The following WDFY3 variants were observed in gnomAD, a reference collection of about 807,000 sequenced individuals.
The protein encoded by WDFY3 is WD repeat and FYVE domain-containing protein 3.
WDFY3 carries 66 observed loss-of-function variants against 409.6 expected under a neutral mutation model. That is an observed-to-expected ratio of 0.16 (90% CI 0.13 to 0.20). The LOEUF is 0.20. Ranked by LOEUF, WDFY3 falls within the 10% of genes least tolerant of loss-of-function variation. The pLI is 1.00. For missense variants in WDFY3, 3,031 were observed against 4,298.1 expected (o/e 0.71, Z 8.24); for synonymous variants, 1,521 against 1,537.1 (o/e 0.99, Z 0.25).
At chr4:84,855,038 A>C (rs892617951) in intron 4 of WDFY3, among the ~76,000 whole-genome samples, 8 of 152,246 alleles carry the variant, frequency 5.3e-5, no homozygotes, top group African/African-American at 1.9e-4. Flanking sequence ...CAGATTAAAA[A>C]AAAGGTAATG....
intron 1 of WDFY3, among the ~76,000 whole-genome samples, chr4:84,932,770 A>G (rs1770923109): frequency 6.6e-6 from 1 of 152,186 alleles, no homozygotes; most frequent in Non-Finnish European, 1.5e-5. Flanking sequence ...CTATTTCTCT[A>G]GGTGTATTTT....
At chr4:84,785,918 A>C in intron 24 of WDFY3, 61 bp downstream of exon 24, 1 of 1,577,856 alleles carries the variant, frequency 6.3e-7, no homozygotes, top group Non-Finnish European at 8.7e-7. Flanking sequence ...TCCATATGAG[A>C]CTCTGAGACA....
Position 84,801,998 on chromosome 4 carries a change from A to C in WDFY3, c.2608-134T>G, listed in dbSNP as rs1750661950. The C allele has an allele frequency of 7.2e-6, 6 of 830,766 alleles. No individual in the cohort carries two copies. In the South Asian group the frequency reaches 9.1e-5, roughly 13 times the overall value. 51.5% of individuals were successfully genotyped at this position (830,766 alleles called of 1,614,324 possible). On this transcript the variant is annotated intron_variant, in intron 16 of 67. Transcript: ENST00000295888. Reference sequence around the variant, plus strand: ...GTTTCGCTCTTGTTGTCCAGGCTGGAGTGCAATGGTGTGATCTCGCCTCAT... The same window carrying C: ...GTTTCGCTCTTGTTGTCCAGGCTGGCGTGCAATGGTGTGATCTCGCCTCAT...
rs1312493821 is a variant in WDFY3 at position 84,814,657 on chromosome 4, C to T, written c.1887+2735G>A. Among the ~76,000 whole-genome samples, 3 of 152,002 alleles carry T rather than the reference C, an allele frequency of 2.0e-5. No homozygotes were observed. In the East Asian group the frequency reaches 5.8e-4, roughly 29 times the overall value. ...GAGCAACTGTGGAGGTTTCCCAGTCCCTGTGTTCAAGTAACCCTTATTTTA... is the reference window on the plus strand; with the variant it reads ...GAGCAACTGTGGAGGTTTCCCAGTCTCTGTGTTCAAGTAACCCTTATTTTA... On this transcript the variant is annotated intron_variant, in intron 13 of 67. Transcript: ENST00000295888.
intron 40 of WDFY3, among the ~76,000 whole-genome samples, chr4:84,738,762 C>G (rs1737905435): frequency 6.6e-6 from 1 of 152,160 alleles, no homozygotes; most frequent in Non-Finnish European, 1.5e-5. Flanking sequence ...TGTACTTCTA[C>G]TTAAGCAAAT....
chr4:84,811,392 C>T (rs1752469268), intron 13 of WDFY3, among the ~76,000 whole-genome samples: 1 of 152,158 alleles, frequency 6.6e-6, no homozygotes, highest in African/African-American at 2.4e-5. Context: ...TATGCACTAG[C>T]TTATTTAATC....
intron 55 of WDFY3, among the ~76,000 whole-genome samples, chr4:84,703,134 T>C (rs369980546): frequency 1.1e-4 from 16 of 151,952 alleles, no homozygotes; most frequent in African/African-American, 3.4e-4. Flanking sequence ...ATATGAGTTC[T>C]TCCATAGTTT....
chr4:84,955,945 C>T (rs1320779386), intron 1 of WDFY3, among the ~76,000 whole-genome samples: 1 of 151,944 alleles, frequency 6.6e-6, no homozygotes, highest in Non-Finnish European at 1.5e-5. Context: ...GGCAATAAAA[C>T]TACAAGTTAA....
chr4:84,852,795 T>C (rs1318233636), intron 4 of WDFY3, among the ~76,000 whole-genome samples: 1 of 152,042 alleles, frequency 6.6e-6, no homozygotes, highest in Non-Finnish European at 1.5e-5. Flanking sequence ...TCTTACTCTG[T>C]CATTCAGGCT....
intron 39 of WDFY3, 117 bp downstream of exon 39, chr4:84,740,070 G>T (rs1738134683): frequency 9.6e-7 from 1 of 1,038,670 alleles, no homozygotes; most frequent in Non-Finnish European, 1.4e-6. Flanking sequence ...TTACATAAAG[G>T]TTTAAATAAA....
intron 42 of WDFY3, 125 bp from the exon 43 acceptor site, chr4:84,735,245 T>G (rs1195064594): frequency 1.2e-6 from 1 of 825,508 alleles, no homozygotes; most frequent in Non-Finnish European, 1.9e-6. Flanking sequence ...AACAGAAAAC[T>G]AAAACAAAAA....
intron 1 of WDFY3, among the ~76,000 whole-genome samples, chr4:84,941,663 T>G (rs1267445814): frequency 6.6e-6 from 1 of 152,026 alleles, no homozygotes; most frequent in East Asian, 1.9e-4. Context: ...CTTTCGTTTT[T>G]GGAAATCAAC....
At chr4:84,772,800 A>C in intron 30 of WDFY3, 35 bp downstream of exon 30, 1 of 1,550,992 alleles carries the variant, frequency 6.4e-7, no homozygotes, top group East Asian at 2.3e-5. Context: ...TATTTAGTTG[A>C]CCACTATCTT....
intron 36 of WDFY3, among the ~76,000 whole-genome samples, chr4:84,750,294 T>A (rs1012162881): frequency 1.3e-5 from 2 of 152,176 alleles, no homozygotes; most frequent in African/African-American, 4.8e-5. Context: ...ATTATTCTCC[T>A]GCCATTATTA....
At chr4:84,814,286 C>T (rs1752947977) in intron 13 of WDFY3, among the ~76,000 whole-genome samples, 1 of 152,128 alleles carries the variant, frequency 6.6e-6, no homozygotes, top group African/African-American at 2.4e-5. Flanking sequence ...TCTTTATCTA[C>T]CATTTATTTG....
intron 1 of WDFY3, among the ~76,000 whole-genome samples, chr4:84,962,645 T>C (rs1190285663): frequency 6.6e-6 from 1 of 152,000 alleles, no homozygotes; most frequent in Non-Finnish European, 1.5e-5. Flanking sequence ...CAATAAACAT[T>C]ACTCTAAAAA....
intron 1 of WDFY3, among the ~76,000 whole-genome samples, chr4:84,940,512 T>C (rs1771969378): frequency 6.6e-6 from 1 of 152,124 alleles, no homozygotes. Context: ...CATAAACCTC[T>C]GGCCCCATTA....
intron 64 of WDFY3, among the ~76,000 whole-genome samples, chr4:84,679,841 T>TACACACAC (rs954549793): frequency 7.1e-6 from 1 of 141,314 alleles, no homozygotes; most frequent in Admixed American, 7.1e-5. Flanking sequence ...TATATATATA[T>TACACACAC]ACACACACAC....
intron 1 of WDFY3, among the ~76,000 whole-genome samples, chr4:84,963,927 C>T (rs1775266916): frequency 2.0e-5 from 3 of 152,268 alleles, no homozygotes; most frequent in South Asian, 4.1e-4. Context: ...TAATCACAAA[C>T]ATTTCTTGGG....
Sources: allele counts gnomAD v4.1 joint callset (sites outside exome capture counted in the v4.1 genomes callset), GRCh38; gene constraint gnomAD v4.1.1; transcripts MANE v1.5; gene names NCBI Gene and HGNC (gene_info 2026-07-23, HGNC 2026-07-21).